Variants in P3H2 observed in about 807,000 individuals in gnomAD.
The protein encoded by P3H2 is prolyl 3-hydroxylase 2, also known as leprecan-like 1.
Under a neutral mutation model 87.0 loss-of-function variants are expected in P3H2, and 80 were observed. The ratio of observed to expected loss-of-function variants is 0.92; its 90% CI spans 0.77 to 1.11. The LOEUF is 1.11. P3H2 is among the 50% of genes least tolerant of loss of function. The pLI is 0.00. For missense variants in P3H2, 1,001 were observed against 923.9 expected (o/e 1.08, Z -1.08); for synonymous variants, 367 against 359.3 (o/e 1.02, Z -0.24).
intron 1 of P3H2, among the ~76,000 whole-genome samples, chr3:190,033,200 T>C (rs1184394201): frequency 6.6e-6 from 1 of 152,148 alleles, no homozygotes; most frequent in Non-Finnish European, 1.5e-5. Context: ...CAGCTGTAAA[T>C]ACAGTCGCTT....
At chr3:190,095,931 G>A (rs902777081) in intron 1 of P3H2, among the ~76,000 whole-genome samples, 2 of 151,918 alleles carry the variant, frequency 1.3e-5, no homozygotes, top group African/African-American at 4.8e-5. Context: ...AACTCATTAC[G>A]ACTCAAGTGA....
rs150468166 is a variant in P3H2, at chr3:189,972,035, G to C, written c.1700-28C>G. 1.7e-4 allele frequency: 229 copies of C among 1,361,278 alleles called. 2 individuals are homozygous for C. The East Asian group carries it at 3.8e-3, about 23-fold the overall frequency. The allele number at this position is 1,361,278 out of a possible 1,614,324, so 84.3% of individuals were successfully genotyped here. On this transcript the variant is annotated intron_variant, in intron 11 of 14. Coordinates refer to ENST00000319332, the MANE Select transcript of P3H2 (RefSeq NM_018192.4). Reference sequence around the variant, plus strand: ...GCCAGAAAAGGGAATAGGGAAGAACGAGAAATGAAGTGCAGCAACTTCCAC... The same window carrying C: ...GCCAGAAAAGGGAATAGGGAAGAACCAGAAATGAAGTGCAGCAACTTCCAC...
intron 8 of P3H2, among the ~76,000 whole-genome samples, chr3:189,978,436 A>T (rs961398305): frequency 6.6e-6 from 1 of 152,190 alleles, no homozygotes; most frequent in African/African-American, 2.4e-5. Flanking sequence ...ATAAGCATAG[A>T]GCCTTAAGAG....
Position 189,993,514 on chromosome 3 carries a change from T to C in P3H2, c.823+580A>G, listed in dbSNP as rs540892570. 2.0e-5 allele frequency among the ~76,000 whole-genome samples: 3 copies of C among 152,300 alleles called. No individual in the cohort carries two copies. In the East Asian group the frequency reaches 5.8e-4, roughly 29 times the overall value. On this transcript the variant is annotated intron_variant, in intron 3 of 14. Coordinates refer to ENST00000319332, the MANE Select transcript of P3H2 (RefSeq NM_018192.4). ...AACTAGCCAATCTCCCAAATTATTC[T>C]ATAATGTGCATTACCTAGTATTTTA...
At chr3:190,078,272 T>C (rs763468053) in intron 1 of P3H2, among the ~76,000 whole-genome samples, 1 of 152,206 alleles carries the variant, frequency 6.6e-6, no homozygotes, top group Non-Finnish European at 1.5e-5. Flanking sequence ...GGACAGTGCC[T>C]AGCATTTGAT....
At chr3:190,100,661 TAC>T (rs1711593271) in intron 1 of P3H2, among the ~76,000 whole-genome samples, 2 of 152,202 alleles carry the variant, frequency 1.3e-5, no homozygotes, top group Non-Finnish European at 1.5e-5. Flanking sequence ...CTCACTCTAA[TAC>T]AGTTTCCAAA....
At chr3:190,082,169 T>C (rs112194972) in intron 1 of P3H2, among the ~76,000 whole-genome samples, 17,998 of 152,154 alleles carry the variant, frequency 0.12, 1,272 homozygotes, top group Middle Eastern at 0.22. Flanking sequence ...GGCAGGAGAA[T>C]CACCTGAACC....
chr3:190,022,679 T>C (rs78976576), intron 1 of P3H2, among the ~76,000 whole-genome samples: 2,246 of 79,232 alleles, frequency 0.028, 310 homozygotes, highest in African/African-American at 0.072. Context: ...ATAATATCAA[T>C]AATGAAGTGG....
Position 189,973,901 on chromosome 3 carries a change from G to T in P3H2, c.1548+8C>A, listed in dbSNP as rs1183798684. 14 of 1,604,630 alleles carry T rather than the reference G, an allele frequency of 8.7e-6. No individual in the cohort carries two copies. Among genetic ancestry groups the T allele is most frequent in the Non-Finnish European group, 1.2e-5 (14 of 1,171,542 alleles). On this transcript the variant is annotated splice_region_variant and intron_variant, in intron 10 of 14. Coordinates refer to ENST00000319332, the MANE Select transcript of P3H2 (RefSeq NM_018192.4). ...GGAACTCAAACCCAAAAGAAGTTAA[G>T]ACTTTACTTTGAGTGCTTTCAGGAC...
At chr3:190,118,121 C>T (rs916665587) in intron 1 of P3H2, among the ~76,000 whole-genome samples, 2 of 152,114 alleles carry the variant, frequency 1.3e-5, no homozygotes, top group Admixed American at 6.5e-5. Flanking sequence ...CTTCTTTGAC[C>T]TCCAACCAGG....
rs993202895 is a variant in P3H2 at position 190,021,895 on chromosome 3, T to C, written c.481-26453A>G. Among the ~76,000 whole-genome samples, 12 of 135,368 alleles carry C rather than the reference T, an allele frequency of 8.9e-5. 4 individuals are homozygous for C. Among genetic ancestry groups the C allele is most frequent in the Non-Finnish European group, 1.5e-4 (9 of 60,570 alleles). The allele number at this position is 135,368 out of a possible 152,430, so 88.8% of individuals were successfully genotyped here. A position where few individuals can be genotyped will look rare whatever the true frequency, so the allele number is the denominator to read the frequency against. On this transcript the variant is annotated intron_variant, in intron 1 of 14. Transcript: ENST00000319332. ...GACAACTATGTACAATATTATATGA[T>C]AGTGTGTTTCTCTAATGTAACTGAC...
At chr3:189,980,682 TTATGA>T (rs1234602248) in intron 8 of P3H2, among the ~76,000 whole-genome samples, 2 of 152,224 alleles carry the variant, frequency 1.3e-5, no homozygotes, top group East Asian at 1.9e-4. Flanking sequence ...GGCTTTTTAG[TTATGA>T]TATAATAAGA....
At position 190,072,930 on chromosome 3, in the gene P3H2, T is replaced by C. The variant is rs117412948; in HGVS notation, c.480+47322A>G. ...TTTTGCAAATTATCTACCATGAACA[T>C]AAATTATTCCAGAGAAAGTAAATAT... On this transcript the variant is annotated intron_variant, in intron 1 of 14. Coordinates refer to ENST00000319332, the MANE Select transcript of P3H2 (RefSeq NM_018192.4). 1.5e-4 allele frequency among the ~76,000 whole-genome samples: 23 copies of C among 152,332 alleles called. No homozygotes were observed. The East Asian group carries it at 3.9e-3, about 26-fold the overall frequency.
At chr3:190,005,005 T>A (rs187508274) in intron 1 of P3H2, among the ~76,000 whole-genome samples, 1 of 151,702 alleles carries the variant, frequency 6.6e-6, no homozygotes, top group Admixed American at 6.5e-5. Flanking sequence ...TTGTCACAAA[T>A]CACTTGTCAC....
chr3:190,089,724 G>A (rs1727348126), intron 1 of P3H2, among the ~76,000 whole-genome samples: 1 of 152,220 alleles, frequency 6.6e-6, no homozygotes, highest in South Asian at 2.1e-4. Flanking sequence ...GGAAACAAGT[G>A]CTGGTTGTCA....
In P3H2 at chr3:190,120,371, G is replaced by A. The variant is rs1427096247; in HGVS notation, c.361C>T (p.Arg121Cys). 16 of 1,553,286 alleles carry A rather than the reference G, an allele frequency of 1.0e-5. No homozygotes were observed. Among genetic ancestry groups the A allele is most frequent in the Middle Eastern group, 2.2e-4 (1 of 4,494 alleles). ...RSLLGRARCY[R>C]SCETQRLGGP... The stretch of plus-strand genomic sequence containing the variant: ...CCGAGGCGCTGGGTCTCACAGCTGC[G>A]ATAACAGCGCGCCCGCCCCAACAAG... Residue 121 changes from arginine to cysteine, a missense_variant, in exon 1 of 15, where the codon CGC becomes TGC. By Grantham distance (180) the Arg-to-Cys change is radical. Transcript: ENST00000319332.
chr3:190,050,917 A>G (rs1023701793), intron 1 of P3H2, among the ~76,000 whole-genome samples: 1 of 152,220 alleles, frequency 6.6e-6, no homozygotes, highest in African/African-American at 2.4e-5. Context: ...AAACCTACAC[A>G]ATACCAATGA....
At chr3:189,994,664 G>GT (rs11320488) in intron 2 of P3H2, among the ~76,000 whole-genome samples, 20 of 143,458 alleles carry the variant, frequency 1.4e-4, no homozygotes, top group South Asian at 2.2e-4. Context: ...TGTGTTTTTT[G>GT]TTTTTTTTTT....
chr3:190,110,104 C>T (rs542907321), intron 1 of P3H2, among the ~76,000 whole-genome samples: 26 of 152,246 alleles, frequency 1.7e-4, no homozygotes, highest in African/African-American at 6.3e-4. Context: ...GCTCCTCAGC[C>T]TCCCAAAGTG....
Sources: gnomAD v4.1 joint callset for allele counts (sites outside exome capture counted in the v4.1 genomes callset) on GRCh38, gnomAD v4.1.1 for gene constraint, MANE v1.5 for transcripts, NCBI Gene and HGNC (gene_info 2026-07-23, HGNC 2026-07-21) for gene names.